The following MED4 variants were observed in gnomAD, a reference collection of about 807,000 sequenced individuals.
The protein encoded by MED4 is mediator of RNA polymerase II transcription subunit 4.
A neutral mutation model predicts 35.0 loss-of-function variants in MED4; 21 were observed. The observed-to-expected ratio is 0.60, with a 90% confidence interval of 0.43 to 0.86. MED4 has a LOEUF of 0.86. Among genes scored for constraint, MED4 ranks in the 40% least tolerant of loss-of-function variants. The probability of loss-of-function intolerance (pLI) is 0.00; values close to 1 mark genes in which losing one functional copy is unlikely to be tolerated. For missense variants in MED4, 300 were observed against 319.4 expected (o/e 0.94, Z 0.46); for synonymous variants, 138 against 114.0 (o/e 1.21, Z -1.34).
At chr13:48,090,731 AC>A (rs955649477) in intron 1 of MED4, among the ~76,000 whole-genome samples, 1 of 152,220 alleles carries the variant, frequency 6.6e-6, no homozygotes, top group Non-Finnish European at 1.5e-5. Flanking sequence ...AGTCATAAAA[AC>A]TAAGGGTCTG....
At chr13:48,080,084 C>A (rs1239188928) in intron 5 of MED4, 109 bp from the exon 6 acceptor site, 1 of 1,283,454 alleles carries the variant, frequency 7.8e-7, no homozygotes, top group African/African-American at 1.5e-5. Flanking sequence ...GTTCAGGCTA[C>A]ATTTTCAATT....
At chr13:48,089,331 G>GT (rs1566120311) in intron 2 of MED4, among the ~76,000 whole-genome samples, 2 of 152,156 alleles carry the variant, frequency 1.3e-5, no homozygotes, top group African/African-American at 4.8e-5. Flanking sequence ...CCCTCAAAAC[G>GT]TAAGACAGAA....
intron 6 of MED4, among the ~76,000 whole-genome samples, chr13:48,079,427 G>T (rs2137827728): frequency 6.6e-6 from 1 of 152,238 alleles, no homozygotes; most frequent in African/African-American, 2.4e-5. Context: ...AACCGGCAAA[G>T]AATCTAGCTA....
intron 2 of MED4, among the ~76,000 whole-genome samples, chr13:48,088,676 T>G (rs1950869818): frequency 6.6e-6 from 1 of 152,198 alleles, no homozygotes; most frequent in South Asian, 2.1e-4. Context: ...AAAAAAATTA[T>G]TCAACTAAAG....
At position 48,076,057 on chromosome 13, in the gene MED4, A is replaced by C. The variant is rs1448331279; in HGVS notation, c.*1082T>G. 1 of 150,968 alleles carries C rather than the reference A, an allele frequency of 6.6e-6. No individual in the cohort carries two copies. Among genetic ancestry groups the C allele is most frequent in the African/African-American group, 2.4e-5 (1 of 41,016 alleles). The allele number at this position is 150,968 out of a possible 1,614,324, so 9.4% of individuals were successfully genotyped here. ...TAAACATTATTCTCATTTTACAAAA[A>C]AGTGTATGTGAACTTTAAAAAAATC... On this transcript the variant is annotated 3_prime_UTR_variant, in exon 7 of 7. Transcript: ENST00000258648.
chr13:48,080,433 TAA>T (rs1174705900), intron 5 of MED4, among the ~76,000 whole-genome samples: 11 of 144,608 alleles, frequency 7.6e-5, no homozygotes, highest in Admixed American at 1.4e-4. Context: ...GAAAGAAATA[TAA>T]AAGTCACCTT....
chr13:48,088,144 T>C (rs1432512165), intron 2 of MED4, among the ~76,000 whole-genome samples: 1 of 152,222 alleles, frequency 6.6e-6, no homozygotes, highest in East Asian at 1.9e-4. Flanking sequence ...CAAAGGCTAG[T>C]TATTACGATC....
chr13:48,088,811 T>C (rs1032365998), intron 2 of MED4, among the ~76,000 whole-genome samples: 1 of 152,202 alleles, frequency 6.6e-6, no homozygotes, highest in Non-Finnish European at 1.5e-5. Context: ...TAAAATTCTA[T>C]ATAAAATTAT....
chr13:48,094,145 T>A (rs1702966939), intron 1 of MED4, among the ~76,000 whole-genome samples: 1 of 152,188 alleles, frequency 6.6e-6, no homozygotes, highest in Non-Finnish European at 1.5e-5. Context: ...TATAAAAGGA[T>A]AAAGTGCAGA....
intron 2 of MED4, among the ~76,000 whole-genome samples, chr13:48,087,914 G>C (rs1950864521): frequency 6.6e-6 from 1 of 152,076 alleles, no homozygotes; most frequent in African/African-American, 2.4e-5. Flanking sequence ...TGCAGATACG[G>C]CAAAAACCAT....
At chr13:48,081,886 A>C (rs1253843426) in intron 4 of MED4, among the ~76,000 whole-genome samples, 155 bp from the exon 5 acceptor site, 1 of 152,246 alleles carries the variant, frequency 6.6e-6, no homozygotes, top group East Asian at 1.9e-4. Flanking sequence ...CTACATGTTT[A>C]GTATAAACTT....
chr13:48,090,557 A>G (rs1449095516), intron 1 of MED4, 139 bp from the exon 2 acceptor site: 3 of 596,380 alleles, frequency 5.0e-6, no homozygotes, highest in South Asian at 2.9e-5. Context: ...CTTATTTATA[A>G]AAGTTCTACT....
In MED4 at chr13:48,084,225, A is replaced by AC. The variant is rs146969824; in HGVS notation, c.364-798dup. ...CAGTGAGCCAAGACTGTGCCATCGC[A>AC]CTCTGGCCTGGGCAATAGAGCAAGA... On this transcript the variant is annotated intron_variant, in intron 3 of 6. Transcript: ENST00000258648. Among the ~76,000 whole-genome samples, 69 of 143,152 alleles carry AC rather than the reference A, an allele frequency of 4.8e-4. No individual in the cohort carries two copies. In the East Asian group the frequency reaches 8.9e-3, roughly 19 times the overall value. The allele number at this position is 143,152 out of a possible 152,430, so 93.9% of individuals were successfully genotyped here.
At chr13:48,087,156 A>G (rs1397154416) in intron 2 of MED4, among the ~76,000 whole-genome samples, 2 of 151,234 alleles carry the variant, frequency 1.3e-5, no homozygotes, top group Non-Finnish European at 3.0e-5. Context: ...ACCAGAGGTC[A>G]AAAGTTCGAG....
intron 4 of MED4, among the ~76,000 whole-genome samples, chr13:48,082,063 T>C (rs1323234394): frequency 1.3e-5 from 2 of 152,176 alleles, no homozygotes; most frequent in East Asian, 3.9e-4. Flanking sequence ...CAGTGTTTCA[T>C]TTCTCAAAGA....
chr13:48,086,007 AAAGT>A (rs1344379056), intron 3 of MED4, among the ~76,000 whole-genome samples: 30 of 152,154 alleles, frequency 2.0e-4, no homozygotes, highest in Non-Finnish European at 1.5e-5. Context: ...GACCAGGATA[AAAGT>A]AAAACTTTCC....
chr13:48,077,157 A>T lies in MED4; in HGVS notation c.795T>A (p.Ser265Arg). The T allele has an allele frequency of 1.9e-6, 3 of 1,608,772 alleles. No individual in the cohort carries two copies. The highest frequency in any genetic ancestry group is 2.5e-6 in the Non-Finnish European group (3 of 1,178,096). Residue 265 changes from serine to arginine, a missense_variant, in exon 7 of 7, where the codon AGT becomes AGA. Physicochemically the swap from Ser to Arg is moderately radical, Grantham distance 110 (BLOSUM62 -1). Coordinates refer to ENST00000258648, the MANE Select transcript of MED4 (RefSeq NM_014166.4). Reference sequence around the variant, plus strand: ...AGGTTTTTCAATCAGACTCACTACTACTGCTTGAGGAGTCCGTTGACATAA... The same window carrying T: ...AGGTTTTTCAATCAGACTCACTACTTCTGCTTGAGGAGTCCGTTGACATAA... ...VEIMSTDSSS[S>R]SSESD
At chr13:48,094,078 T>C (rs1482286350) in intron 1 of MED4, among the ~76,000 whole-genome samples, 1 of 152,218 alleles carries the variant, frequency 6.6e-6, no homozygotes, top group East Asian at 1.9e-4. Context: ...GTAGCTTTTA[T>C]ATAATTTTTC....
intron 2 of MED4, among the ~76,000 whole-genome samples, chr13:48,089,620 C>T (rs115562819): frequency 6.6e-4 from 100 of 152,222 alleles, no homozygotes; most frequent in African/African-American, 2.3e-3. Flanking sequence ...GGCATTATAG[C>T]GCATGCCTAT....
Sources: allele counts gnomAD v4.1 joint callset (sites outside exome capture counted in the v4.1 genomes callset), GRCh38; gene constraint gnomAD v4.1.1; transcripts MANE v1.5; gene names NCBI Gene and HGNC (gene_info 2026-07-23, HGNC 2026-07-21).